MAP3K19: variants seen among roughly 807,000 people sequenced by gnomAD.
MAP3K19 encodes the protein mitogen-activated protein kinase kinase kinase 19.
A neutral mutation model predicts 114.4 loss-of-function variants in MAP3K19; 91 were observed. The ratio of observed to expected loss-of-function variants is 0.80; its 90% CI spans 0.67 to 0.95. MAP3K19 has a LOEUF of 0.95. MAP3K19 is among the 40% of genes least tolerant of loss of function. The pLI is 0.00. For synonymous variants in MAP3K19, 518 were observed against 530.5 expected (o/e 0.98, Z 0.32); for missense variants, 1,471 against 1,573.2 (o/e 0.94, Z 1.10).
intron 5 of MAP3K19, among the ~76,000 whole-genome samples, chr2:135,011,900 C>A (rs891810422): frequency 4.6e-5 from 7 of 152,028 alleles, no homozygotes. Context: ...CCCATCTCTA[C>A]AAAAATGTTT....
chr2:134,975,769 G>A (rs1247287206), intron 12 of MAP3K19, among the ~76,000 whole-genome samples: 1 of 152,178 alleles, frequency 6.6e-6, no homozygotes, highest in Non-Finnish European at 1.5e-5. Flanking sequence ...CAGGGCACAT[G>A]CAAATGTGCT....
chr2:134,994,962 C>T (rs993259746), intron 8 of MAP3K19, among the ~76,000 whole-genome samples: 19 of 152,262 alleles, frequency 1.2e-4, no homozygotes, highest in African/African-American at 4.1e-4. Flanking sequence ...TCATATTCTC[C>T]GTGTACCCTT....
intron 8 of MAP3K19, among the ~76,000 whole-genome samples, chr2:134,997,900 C>T (rs912643691): frequency 7.6e-4 from 115 of 150,904 alleles, no homozygotes; most frequent in African/African-American, 2.8e-3. Context: ...AATAATTATT[C>T]TTTTTTTTCT....
At chr2:135,029,115 G>T (rs1318931609) in intron 3 of MAP3K19, among the ~76,000 whole-genome samples, 1 of 152,218 alleles carries the variant, frequency 6.6e-6, no homozygotes, top group Non-Finnish European at 1.5e-5. Context: ...GCTCACGCCT[G>T]TAATCCCAGC....
chr2:135,014,154 A>T (rs1478461674), intron 5 of MAP3K19, among the ~76,000 whole-genome samples: 1 of 152,112 alleles, frequency 6.6e-6, no homozygotes, highest in Non-Finnish European at 1.5e-5. Context: ...GGAGTTCGAG[A>T]TCAGCCTGGG....
intron 5 of MAP3K19, among the ~76,000 whole-genome samples, chr2:135,019,588 G>C (rs1174037685): frequency 6.6e-6 from 1 of 152,182 alleles, no homozygotes; most frequent in Non-Finnish European, 1.5e-5. Flanking sequence ...GGAGATTGAG[G>C]CTCCAGTGAG....
chr2:135,010,626 T>C (rs1687153606), intron 5 of MAP3K19, among the ~76,000 whole-genome samples: 1 of 152,098 alleles, frequency 6.6e-6, no homozygotes, highest in East Asian at 1.9e-4. Context: ...ATTAAAGTTT[T>C]TTTATTTTTA....
chr2:134,989,123 C>T (rs929944650), intron 9 of MAP3K19, among the ~76,000 whole-genome samples: 2 of 152,124 alleles, frequency 1.3e-5, no homozygotes, highest in Non-Finnish European at 2.9e-5. Context: ...TCAAACTAAG[C>T]TAGTTTTTCC....
rs1382442147 is a variant in MAP3K19, at chr2:134,988,130, G to A, written c.742C>T (p.Leu248Phe). Residue 248 changes from leucine to phenylalanine, a missense_variant, in exon 10 of 13, where the codon CTC becomes TTC. Leu to Phe is a conservative substitution (Grantham distance 22). Transcript: ENST00000392915. ...IPSLTSFVPK[L>F]SVSVRQSDEL... ...TCAGATTGACGAACAGACACTGAGA[G>A]CTTAGGCACAAAAGATGTGAGACTT... is the stretch of plus-strand genomic sequence containing the variant. The A allele has an allele frequency of 6.2e-7, 1 of 1,613,896 alleles. No homozygotes were observed. Among genetic ancestry groups the A allele is most frequent in the African/African-American group, 1.3e-5 (1 of 74,898 alleles).
Position 134,989,407 on chromosome 2 carries a change from A to G in MAP3K19, c.619-1154T>C, listed in dbSNP as rs557488348. On this transcript the variant is annotated intron_variant, in intron 9 of 12. Coordinates refer to ENST00000392915, the MANE Select transcript of MAP3K19 (RefSeq NM_025052.5). ...CCACCTGTGTGTAAGAAGGAAGGAA[A>G]TGGAACCTGACTCTAGAAACTTAGG... Among the ~76,000 whole-genome samples, 9 of 152,336 alleles carry G rather than the reference A, an allele frequency of 5.9e-5. No homozygotes were observed. In the South Asian group the frequency reaches 1.0e-3, roughly 18 times the overall value.
intron 5 of MAP3K19, among the ~76,000 whole-genome samples, chr2:135,017,973 A>T (rs938073175): frequency 1.6e-4 from 24 of 152,326 alleles, no homozygotes; most frequent in Admixed American, 1.4e-3. Flanking sequence ...AAGAGGTTAA[A>T]ATGCAAAGTA....
At chr2:135,009,731 T>C (rs576922318) in intron 5 of MAP3K19, among the ~76,000 whole-genome samples, 60 of 152,110 alleles carry the variant, frequency 3.9e-4, no homozygotes, top group Non-Finnish European at 3.4e-4. Flanking sequence ...TACCAGACAC[T>C]GTTCTATATG....
At chr2:134,978,452 C>T (rs1353361934) in intron 12 of MAP3K19, among the ~76,000 whole-genome samples, 1 of 152,192 alleles carries the variant, frequency 6.6e-6, no homozygotes, top group Non-Finnish European at 1.5e-5. Flanking sequence ...CCCCCCACCT[C>T]GGCCTTCCTA....
In MAP3K19 at chr2:135,044,665, C is replaced by T. The variant is rs1037175761; in HGVS notation, c.-424+2520G>A. On this transcript the variant is annotated intron_variant, in intron 1 of 12. Transcript: ENST00000392915. ...CACATTTGCAGAATAGTCTTATTTCCGTTTTCATGTTTGGACCTTAGCTAG... is the reference window on the plus strand; with the variant it reads ...CACATTTGCAGAATAGTCTTATTTCTGTTTTCATGTTTGGACCTTAGCTAG... Among the ~76,000 whole-genome samples, 4 of 152,104 alleles carry T rather than the reference C, an allele frequency of 2.6e-5. No individual in the cohort carries two copies. In the East Asian group the frequency reaches 5.8e-4, roughly 22 times the overall value.
At chr2:134,983,575 G>A in intron 11 of MAP3K19, 101 bp downstream of exon 11, 1 of 792,260 alleles carries the variant, frequency 1.3e-6, no homozygotes, top group Non-Finnish European at 2.0e-6. Flanking sequence ...AAGAGTGCTT[G>A]CCAGAGGAAG....
chr2:135,008,410 C>A (rs535334453), intron 5 of MAP3K19, among the ~76,000 whole-genome samples: 123 of 152,300 alleles, frequency 8.1e-4, no homozygotes, highest in African/African-American at 2.7e-3. Context: ...CGTGAGCCAC[C>A]ACGCTCAGCC....
chr2:135,013,475 T>G (rs1325615280), intron 5 of MAP3K19, among the ~76,000 whole-genome samples: 1 of 152,156 alleles, frequency 6.6e-6, no homozygotes, highest in African/African-American at 2.4e-5. Flanking sequence ...ACTCCTGGTG[T>G]TGTACATTCT....
Position 134,986,861 on chromosome 2 carries a change from A to G in MAP3K19, c.2011T>C (p.Tyr671His). 1 of 1,614,194 alleles carries G rather than the reference A, an allele frequency of 6.2e-7. No individual in the cohort carries two copies. The highest frequency in any genetic ancestry group is 1.1e-5 in the South Asian group (1 of 91,080). Residue 671 changes from tyrosine to histidine, a missense_variant, in exon 10 of 13, where the codon TAT becomes CAT. By Grantham distance (83) the Tyr-to-His change is moderately conservative. Transcript: ENST00000392915. ...GIYEMFGTPV[Y>H]CHVRETERDE... ...CTTTCAGTCTCTCGCACATGACAAT[A>G]AACAGGGGTCCCAAACATTTCATAG... is the stretch of plus-strand genomic sequence containing the variant.
At chr2:134,983,596 G>T in intron 11 of MAP3K19, 80 bp downstream of exon 11, 1 of 956,472 alleles carries the variant, frequency 1.0e-6, no homozygotes, top group Non-Finnish European at 1.5e-6. Context: ...CAGGGAGGAT[G>T]ACTGGGGGAG....
Sources: gnomAD v4.1 joint callset for allele counts (sites outside exome capture counted in the v4.1 genomes callset) on GRCh38, gnomAD v4.1.1 for gene constraint, MANE v1.5 for transcripts, NCBI Gene and HGNC (gene_info 2026-07-23, HGNC 2026-07-21) for gene names.